Variants in RALGPS1 observed in about 807,000 individuals in gnomAD.
RALGPS1 encodes Ral GEF with PH domain and SH3 binding motif 1, also known as ras-specific guanine nucleotide-releasing factor RalGPS1.
A neutral mutation model predicts 78.8 loss-of-function variants in RALGPS1; 19 were observed. The ratio of observed to expected loss-of-function variants is 0.24; its 90% confidence interval spans 0.17 to 0.35. The LOEUF (loss-of-function observed/expected upper bound fraction) is 0.35. Among genes scored for constraint, RALGPS1 ranks in the 10% least tolerant of loss-of-function variants. The pLI, the probability that RALGPS1 is intolerant of heterozygous loss-of-function variation, is 1.00. For synonymous variants in RALGPS1, 228 were observed against 256.3 expected (o/e 0.89, Z 1.06); for missense variants, 454 against 688.3 (o/e 0.66, Z 3.81).
chr9:127,003,230 G>T (rs113849313), intron 4 of RALGPS1, among the ~76,000 whole-genome samples: 2,831 of 152,172 alleles, frequency 0.019, 97 homozygotes, highest in African/African-American at 0.064. Context: ...AAGAGCTTCT[G>T]CACAGCAAAA....
chr9:127,141,780 AAAGTATTTTTTT>A (rs2057799168), intron 8 of RALGPS1, among the ~76,000 whole-genome samples: 1 of 152,138 alleles, frequency 6.6e-6, no homozygotes. Flanking sequence ...ATACATTTTG[AAAGTATTTTTTT>A]AAGTATTTTT....
chr9:127,034,645 C>A, intron 5 of RALGPS1, 131 bp downstream of exon 5: 1 of 748,514 alleles, frequency 1.3e-6, no homozygotes, highest in Admixed American at 2.0e-5. Context: ...CATATGAGTC[C>A]CCCACCTTTA....
At chr9:127,040,551 A>G (rs919545276) in intron 5 of RALGPS1, among the ~76,000 whole-genome samples, 2 of 152,198 alleles carry the variant, frequency 1.3e-5, no homozygotes, top group Non-Finnish European at 2.9e-5. Flanking sequence ...AGTAAGGACT[A>G]GAATGTTTAA....
chr9:127,020,556 A>G (rs1318083024), intron 4 of RALGPS1, among the ~76,000 whole-genome samples: 2 of 152,240 alleles, frequency 1.3e-5, no homozygotes, highest in Non-Finnish European at 2.9e-5. Flanking sequence ...AATGTGATGA[A>G]TTGTTTCTAG....
chr9:126,939,898 A>G (rs557752587), intron 1 of RALGPS1, among the ~76,000 whole-genome samples: 8 of 152,370 alleles, frequency 5.3e-5, no homozygotes, highest in Admixed American at 2.0e-4. Flanking sequence ...GGAAGGAAAC[A>G]GTATTCTAGG....
chr9:127,018,248 A>C (rs2045069315), intron 4 of RALGPS1, among the ~76,000 whole-genome samples: 1 of 151,742 alleles, frequency 6.6e-6, no homozygotes, highest in Non-Finnish European at 1.5e-5. Flanking sequence ...CAAACCAACC[A>C]ACCAAACAAA....
intron 1 of RALGPS1, among the ~76,000 whole-genome samples, chr9:126,951,687 T>C (rs1321640024): frequency 2.6e-5 from 4 of 152,166 alleles, no homozygotes; most frequent in South Asian, 2.1e-4. Context: ...TAAGAGCTAT[T>C]TATGACAACC....
rs1269818130 is a variant in RALGPS1, at chr9:126,962,248, A to C, written c.-42A>C. 6.2e-7 allele frequency: 1 copy of C among 1,607,094 alleles called. No individual in the cohort carries two copies. The highest frequency in any genetic ancestry group is 1.3e-5 in the African/African-American group (1 of 74,916). The stretch of plus-strand genomic sequence containing the variant: ...AGGACTTCTCCAGACAGGTTATGTT[A>C]CCTGCAGAGGCTGCCCTGAAGCTCC... On this transcript the variant is annotated 5_prime_UTR_variant, in exon 2 of 19. Transcript: ENST00000259351.
At position 126,997,241 on chromosome 9, in the gene RALGPS1, T is replaced by G. The variant is rs1286412977; in HGVS notation, c.216+19496T>G. Among the ~76,000 whole-genome samples, 4 of 152,304 alleles carry G rather than the reference T, an allele frequency of 2.6e-5. No homozygotes were observed. In the South Asian group the frequency reaches 6.2e-4, roughly 24 times the overall value. On this transcript the variant is annotated intron_variant, in intron 4 of 18. Coordinates refer to ENST00000259351, the MANE Select transcript of RALGPS1 (RefSeq NM_014636.3). ...TCAATTAGGAAAAGAGGAAGTCAGATTGTCCGTTTGCAGATGACATGATTG... is the reference window on the plus strand; with the variant it reads ...TCAATTAGGAAAAGAGGAAGTCAGAGTGTCCGTTTGCAGATGACATGATTG...
chr9:127,168,176 C>T (rs1032779576), intron 9 of RALGPS1, among the ~76,000 whole-genome samples: 9 of 152,250 alleles, frequency 5.9e-5, no homozygotes, highest in Non-Finnish European at 1.0e-4. Flanking sequence ...GGTGCAGCAG[C>T]TCCAGTCATA....
chr9:126,981,092 C>T (rs2132804458), intron 4 of RALGPS1, among the ~76,000 whole-genome samples: 1 of 152,168 alleles, frequency 6.6e-6, no homozygotes, highest in South Asian at 2.1e-4. Context: ...CAACTCTGTG[C>T]TTATTAATGA....
chr9:126,997,134 G>A (rs1256846731), intron 4 of RALGPS1, among the ~76,000 whole-genome samples: 1 of 152,180 alleles, frequency 6.6e-6, no homozygotes, highest in African/African-American at 2.4e-5. Flanking sequence ...AGACAGGGAT[G>A]CCCTCTCTCA....
At chr9:126,998,552 CTT>C (rs1158233502) in intron 4 of RALGPS1, among the ~76,000 whole-genome samples, 2 of 152,178 alleles carry the variant, frequency 1.3e-5, no homozygotes, top group African/African-American at 4.8e-5. Context: ...AATAGGAACA[CTT>C]TGACACTGTT....
intron 8 of RALGPS1, among the ~76,000 whole-genome samples, chr9:127,151,537 A>C (rs903502003): frequency 2.6e-5 from 4 of 152,218 alleles, no homozygotes; most frequent in Admixed American, 1.3e-4. Flanking sequence ...GGTCTGGTGG[A>C]GTGTATAATT....
At chr9:127,018,732 A>G (rs2045147768) in intron 4 of RALGPS1, among the ~76,000 whole-genome samples, 1 of 152,012 alleles carries the variant, frequency 6.6e-6, no homozygotes, top group South Asian at 2.1e-4. Context: ...TTTATTATCA[A>G]GTATTATGTA....
At chr9:127,138,795 A>T (rs965660165) in intron 8 of RALGPS1, among the ~76,000 whole-genome samples, 1 of 152,264 alleles carries the variant, frequency 6.6e-6, no homozygotes, top group East Asian at 1.9e-4. Flanking sequence ...GAGCTCATTA[A>T]TGCAGGAAAA....
At chr9:127,051,890 A>G (rs111741130) in intron 6 of RALGPS1, among the ~76,000 whole-genome samples, 9 of 152,342 alleles carry the variant, frequency 5.9e-5, no homozygotes, top group African/African-American at 2.2e-4. Flanking sequence ...GGACACAGTC[A>G]GGAAAGACAT....
At chr9:127,092,900 A>T (rs943354665) in intron 8 of RALGPS1, among the ~76,000 whole-genome samples, 1 of 152,184 alleles carries the variant, frequency 6.6e-6, no homozygotes, top group East Asian at 1.9e-4. Context: ...TGTGCAAGGC[A>T]TCATGGCTTC....
chr9:127,051,506 A>G (rs1174822222), intron 6 of RALGPS1, among the ~76,000 whole-genome samples: 1 of 152,180 alleles, frequency 6.6e-6, no homozygotes, highest in African/African-American at 2.4e-5. Context: ...CAGCTCTAAA[A>G]AGAAGTTCTG....
Sources: gnomAD v4.1 joint callset for allele counts (sites outside exome capture counted in the v4.1 genomes callset) on GRCh38, gnomAD v4.1.1 for gene constraint, MANE v1.5 for transcripts, NCBI Gene and HGNC (gene_info 2026-07-23, HGNC 2026-07-21) for gene names.